The following MTMR1 variants were observed in gnomAD, a reference collection of about 807,000 sequenced individuals.
The protein encoded by MTMR1 is myotubularin related protein 1.
In MTMR1, 17 loss-of-function variants were observed where a neutral mutation model predicts 51.6. That is an observed-to-expected ratio of 0.33 (90% CI 0.23 to 0.49). The LOEUF (loss-of-function observed/expected upper bound fraction) is 0.49. Among genes scored for constraint, MTMR1 ranks in the 20% least tolerant of loss-of-function variants. The pLI is 0.99. For synonymous variants in MTMR1, 201 were observed against 205.6 expected, an observed-to-expected ratio of 0.98 and a Z score of 0.19; for missense variants, 386 against 526.9, an observed-to-expected ratio of 0.73 and a Z score of 2.62.
Position 150,753,325 on chromosome X carries a change from C to T in MTMR1, c.1681-2364C>T, listed in dbSNP as rs782705371. Among the ~76,000 whole-genome samples, 10 of 112,062 alleles carry T rather than the reference C, an allele frequency of 8.9e-5. No homozygotes were observed. In the East Asian group the frequency reaches 1.7e-3, roughly 19 times the overall value. On this transcript the variant is annotated intron_variant, in intron 14 of 15. Transcript: ENST00000445323. ...ATGTACAGGTTTTTATGTGGACATA[C>T]GCCTTCATTCATTTATACCTACGAG...
At chrX:150,761,738 C>T (rs1459991978) in intron 15 of MTMR1, among the ~76,000 whole-genome samples, 3 of 112,279 alleles carry the variant, frequency 2.7e-5, no homozygotes, top group Non-Finnish European at 5.6e-5. Context: ...AGCCTTGCCC[C>T]CAGCCAAAGA....
At chrX:150,756,267 C>T (rs1450645317) in intron 15 of MTMR1, among the ~76,000 whole-genome samples, 1 of 111,919 alleles carries the variant, frequency 8.9e-6, no homozygotes, top group Non-Finnish European at 1.9e-5. Context: ...TGTATAGACC[C>T]TGTTAGTCCA....
At chrX:150,718,839 C>A in intron 4 of MTMR1, 139 bp downstream of exon 4, 2 of 530,814 alleles carry the variant, frequency 3.8e-6, no homozygotes, top group Non-Finnish European at 5.9e-6. Context: ...TCTATTCATC[C>A]TCATTAGTGT....
At chrX:150,749,014 G>A (rs1255619311) in intron 13 of MTMR1, among the ~76,000 whole-genome samples, 1 of 112,406 alleles carries the variant, frequency 8.9e-6, no homozygotes, top group Non-Finnish European at 1.9e-5. Flanking sequence ...GAACAAGGGT[G>A]CCAGTAAGAA....
intron 8 of MTMR1, 150 bp downstream of exon 8, chrX:150,730,758 T>G (rs902708256): frequency 6.6e-5 from 20 of 303,157 alleles, no homozygotes; most frequent in Admixed American, 4.8e-4. Flanking sequence ...CATCTTTCCT[T>G]GATTCTCTCT....
intron 14 of MTMR1, chrX:150,751,291 A>G: frequency 1.5e-6 from 1 of 654,103 alleles, no homozygotes; most frequent in Non-Finnish European, 1.9e-6. Flanking sequence ...GCAGTTACCA[A>G]ACTTCTCAGA....
At chrX:150,743,157 AC>A (rs1291913594) in intron 12 of MTMR1, among the ~76,000 whole-genome samples, 1 of 111,071 alleles carries the variant, frequency 9.0e-6, no homozygotes, top group Admixed American at 9.6e-5. Context: ...AATTCCCAGC[AC>A]TTTGGGAGGC....
intron 12 of MTMR1, among the ~76,000 whole-genome samples, chrX:150,742,418 G>A (rs907699546): frequency 1.2e-4 from 13 of 111,877 alleles, no homozygotes; most frequent in Admixed American, 2.8e-4. Flanking sequence ...CTGAAACGTC[G>A]TTATGTGGCA....
intron 4 of MTMR1, among the ~76,000 whole-genome samples, chrX:150,726,948 C>T (rs2041959214): frequency 1.8e-5 from 2 of 111,481 alleles, no homozygotes; most frequent in African/African-American, 6.5e-5. Context: ...TGTTAACTAC[C>T]TAGGAAAAAT....
At chrX:150,754,566 G>A (rs2042846940) in intron 14 of MTMR1, among the ~76,000 whole-genome samples, 1 of 112,246 alleles carries the variant, frequency 8.9e-6, no homozygotes, top group Admixed American at 9.4e-5. Flanking sequence ...CAGTGTTTCT[G>A]AATAGTGTAC....
At chrX:150,706,881 G>A (rs2041124629) in intron 2 of MTMR1, among the ~76,000 whole-genome samples, 1 of 111,371 alleles carries the variant, frequency 9.0e-6, no homozygotes, top group South Asian at 3.8e-4. Flanking sequence ...CAAGACTATG[G>A]CAGAGGTACA....
At chrX:150,751,809 G>A (rs781809585) in intron 14 of MTMR1, among the ~76,000 whole-genome samples, 18 of 109,965 alleles carry the variant, frequency 1.6e-4, no homozygotes, top group African/African-American at 5.3e-4. Context: ...CCAAATACAC[G>A]GGAGCCACCT....
At chrX:150,736,313 A>T in intron 10 of MTMR1, 2 of 239,182 alleles carry the variant, frequency 8.4e-6, no homozygotes, top group Non-Finnish European at 1.5e-5. Flanking sequence ...GGGGCAGCCA[A>T]GGAAGGATCC....
chrX:150,709,850 A>G (rs782061189), intron 2 of MTMR1, among the ~76,000 whole-genome samples: 1 of 112,413 alleles, frequency 8.9e-6, no homozygotes, highest in Non-Finnish European at 1.9e-5. Context: ...CCCACCTCCA[A>G]CACTGGGGAT....
At chrX:150,736,107 G>C (rs1161966494) in intron 10 of MTMR1, 1 of 115,464 alleles carries the variant, frequency 8.7e-6, no homozygotes, top group African/African-American at 3.2e-5. Context: ...TTTCACAATA[G>C]GGTCTTTGTA....
chrX:150,710,386 CAG>C (rs1218392987), intron 2 of MTMR1, among the ~76,000 whole-genome samples: 1 of 111,399 alleles, frequency 9.0e-6, no homozygotes, highest in Non-Finnish European at 1.9e-5. Context: ...TTTTTTGAGA[CAG>C]AGTCTGGCTC....
At chrX:150,724,797 C>T (rs1482040882) in intron 4 of MTMR1, among the ~76,000 whole-genome samples, 2 of 112,148 alleles carry the variant, frequency 1.8e-5, no homozygotes, top group African/African-American at 6.5e-5. Flanking sequence ...TTTCAGTCAT[C>T]TGCATATAGC....
At chrX:150,726,555 C>T (rs2041942419) in intron 4 of MTMR1, among the ~76,000 whole-genome samples, 1 of 111,987 alleles carries the variant, frequency 8.9e-6, no homozygotes, top group Non-Finnish European at 1.9e-5. Context: ...CTTTTGTTGT[C>T]TCACTTGGAC....
intron 14 of MTMR1, among the ~76,000 whole-genome samples, chrX:150,754,490 G>A (rs1414823122): frequency 1.8e-5 from 2 of 112,404 alleles, no homozygotes; most frequent in African/African-American, 3.2e-5. Flanking sequence ...ATTGTTTAAC[G>A]TTTACCTGCC....
Sources: allele counts gnomAD v4.1 joint callset (sites outside exome capture counted in the v4.1 genomes callset), GRCh38; gene constraint gnomAD v4.1.1; transcripts MANE v1.5; gene names NCBI Gene and HGNC (gene_info 2026-07-23, HGNC 2026-07-21).